IGF1R: variants seen among roughly 807,000 people sequenced by gnomAD.
The protein encoded by IGF1R is insulin-like growth factor 1 receptor.
Under a neutral mutation model 144.6 loss-of-function variants are expected in IGF1R, and 44 were observed. That is an observed-to-expected ratio of 0.30 (90% CI 0.24 to 0.39). The LOEUF (loss-of-function observed/expected upper bound fraction) is 0.39. IGF1R is among the 10% of genes least tolerant of loss of function. The pLI, the probability that IGF1R is intolerant of heterozygous loss-of-function variation, is 1.00. For synonymous variants in IGF1R, 795 were observed against 722.8 expected (o/e 1.10, Z -1.60); for missense variants, 1,355 against 1,833.7 (o/e 0.74, Z 4.77).
At chr15:98,743,771 A>G (rs534101294) in intron 2 of IGF1R, among the ~76,000 whole-genome samples, 2 of 152,192 alleles carry the variant, frequency 1.3e-5, no homozygotes, top group Non-Finnish European at 2.9e-5. Flanking sequence ...TTAGGGAGGA[A>G]GCCAATCAGG....
intron 2 of IGF1R, among the ~76,000 whole-genome samples, chr15:98,760,832 A>G (rs2055277803): frequency 6.6e-6 from 1 of 152,222 alleles, no homozygotes; most frequent in Non-Finnish European, 1.5e-5. Flanking sequence ...CTGATTACCC[A>G]TCCTTCGATA....
rs368474118 is a variant in IGF1R at position 98,892,527 on chromosome 15, C to CAAAAA, written c.953+904_953+908dup. 1.4e-3 allele frequency among the ~76,000 whole-genome samples: 103 copies of CAAAAA among 75,566 alleles called. 2 individuals carry two copies. The highest frequency in any genetic ancestry group is 4.7e-3 in the African/African-American group (95 of 20,178). The allele number at this position is 75,566 out of a possible 152,430, so 49.6% of individuals were successfully genotyped here. On this transcript the variant is annotated intron_variant, in intron 3 of 20. Transcript: ENST00000650285. ...GGGAGACAGAGTCTCACTCTGTCTC[C>CAAAAA]AAAAAAAAAAAAAAAAAAGAGAAGT...
chr15:98,846,545 G>A (rs2011334838), intron 2 of IGF1R, among the ~76,000 whole-genome samples: 1 of 152,194 alleles, frequency 6.6e-6, no homozygotes. Context: ...GTGACTTCGG[G>A]ATGGTTACCT....
intron 2 of IGF1R, among the ~76,000 whole-genome samples, chr15:98,725,675 A>G (rs2054341023): frequency 2.0e-5 from 3 of 152,198 alleles, no homozygotes; most frequent in Non-Finnish European, 4.4e-5. Flanking sequence ...TCCTGTGGTG[A>G]TTACCCTCTG....
chr15:98,753,151 C>G (rs1468255517), intron 2 of IGF1R, among the ~76,000 whole-genome samples: 1 of 151,642 alleles, frequency 6.6e-6, no homozygotes, highest in Non-Finnish European at 1.5e-5. Context: ...CCAGGATGGT[C>G]TTGATCTCCT....
rs1181138350 is a variant in IGF1R, at chr15:98,707,242, G to C, written c.95-320G>C. Among the ~76,000 whole-genome samples the C allele has an allele frequency of 6.6e-6, 1 of 152,202 alleles. No individual in the cohort carries two copies. The highest frequency in any genetic ancestry group is 1.5e-5 in the Non-Finnish European group (1 of 68,032). ...TGGAGTCCGGCTGGCCTGGGTTGCA[G>C]ATTTAACTTTCGCCTCTGCCTCTGT... On this transcript the variant is annotated intron_variant, in intron 1 of 20. Transcript: ENST00000650285. This position sits in a 1 kb window ranked among gnomAD's most constrained non-coding sequence, Gnocchi z 6.7.
At chr15:98,811,938 A>G (rs2056599847) in intron 2 of IGF1R, among the ~76,000 whole-genome samples, 1 of 152,166 alleles carries the variant, frequency 6.6e-6, no homozygotes, top group African/African-American at 2.4e-5. Context: ...AAATAAGTCA[A>G]CTATCTCAAG....
At chr15:98,737,885 G>A (rs1479423373) in intron 2 of IGF1R, among the ~76,000 whole-genome samples, 1 of 152,114 alleles carries the variant, frequency 6.6e-6, no homozygotes, top group Non-Finnish European at 1.5e-5. Context: ...CCTTCGTGCT[G>A]CACTGACAGG....
At chr15:98,717,175 C>T (rs993379108) in intron 2 of IGF1R, among the ~76,000 whole-genome samples, 5 of 152,124 alleles carry the variant, frequency 3.3e-5, no homozygotes, top group African/African-American at 9.7e-5. Flanking sequence ...ACCGTTGATG[C>T]CTTGAGATAG....
intron 2 of IGF1R, among the ~76,000 whole-genome samples, chr15:98,752,838 A>G (rs893133620): frequency 2.0e-5 from 3 of 152,206 alleles, no homozygotes; most frequent in Non-Finnish European, 4.4e-5. Flanking sequence ...CATTATTTCA[A>G]TCAATATCAA....
chr15:98,933,780 C>A (rs555004145), intron 15 of IGF1R, among the ~76,000 whole-genome samples: 1 of 151,506 alleles, frequency 6.6e-6, no homozygotes, highest in African/African-American at 2.4e-5. Context: ...GCCCTGGAAA[C>A]GCCTCTGCCC....
intron 2 of IGF1R, among the ~76,000 whole-genome samples, chr15:98,754,617 G>A (rs368837327): frequency 1.4e-4 from 21 of 152,198 alleles, no homozygotes; most frequent in East Asian, 1.3e-3. Context: ...GCCATGGTTA[G>A]GCACTGCCAG....
chr15:98,928,581 A>T (rs1481439685), intron 13 of IGF1R, among the ~76,000 whole-genome samples: 1 of 152,202 alleles, frequency 6.6e-6, no homozygotes, highest in Non-Finnish European at 1.5e-5. Context: ...TTTTCTAGGA[A>T]AGCCATTTCC....
intron 1 of IGF1R, among the ~76,000 whole-genome samples, chr15:98,668,829 A>G (rs1170032125): frequency 6.6e-6 from 1 of 152,142 alleles, no homozygotes; most frequent in African/African-American, 2.4e-5. Context: ...TAAAGCTGAC[A>G]CCAGCATCAG....
intron 2 of IGF1R, among the ~76,000 whole-genome samples, chr15:98,751,127 A>G (rs764769935): frequency 2.0e-5 from 3 of 152,320 alleles, no homozygotes; most frequent in Non-Finnish European, 2.9e-5. Context: ...ATTTTAGTGT[A>G]GTTGAGCCTC....
chr15:98,703,038 C>T lies in IGF1R; in HGVS notation c.95-4524C>T, dbSNP rs145445809. 7.2e-3 allele frequency among the ~76,000 whole-genome samples: 1,095 copies of T among 152,258 alleles called. 18 individuals carry two copies. The highest frequency in any genetic ancestry group is 0.025 in the African/African-American group (1,055 of 41,554). ...CCTCCCAACTCCCTTCCCTGACTCCCAGCACCCCCATCTGTTTTGGTTCTG... is the reference window on the plus strand; with the variant it reads ...CCTCCCAACTCCCTTCCCTGACTCCTAGCACCCCCATCTGTTTTGGTTCTG... On this transcript the variant is annotated intron_variant, in intron 1 of 20. Coordinates refer to ENST00000650285, the MANE Select transcript of IGF1R (RefSeq NM_000875.5).
Position 98,924,595 on chromosome 15 carries a change from C to T in IGF1R, c.2693C>T (p.Pro898Leu), listed in dbSNP as rs142608976. 9 of 1,613,938 alleles carry T rather than the reference C, an allele frequency of 5.6e-6. No individual in the cohort carries two copies. The highest frequency in any genetic ancestry group is 1.6e-4 in the Middle Eastern group (1 of 6,082). The change falls in exon 13 of 21, where the codon CCG becomes CTG. Residue 898 changes from proline (P) to leucine (L), a missense_variant. Physicochemically the swap from Pro to Leu is moderately conservative, Grantham distance 98. This residue lies in a region of IGF1R where 880 missense variants were observed against 1,202.7 expected (regional missense o/e 0.73). Transcript: ENST00000650285. ...GGGGCCAAGCTAAACCGGCTAAACC[C>T]GGGGAACTACACAGCCCGGATTCAG... Reference protein sequence around the residue: ...YGGAKLNRLNPGNYTARIQAT... With the variant: ...YGGAKLNRLNLGNYTARIQAT...
At chr15:98,820,504 A>G (rs2056782065) in intron 2 of IGF1R, among the ~76,000 whole-genome samples, 1 of 152,236 alleles carries the variant, frequency 6.6e-6, no homozygotes, top group Non-Finnish European at 1.5e-5. Context: ...ATGATAAGAT[A>G]ATGATGCTCC....
intron 2 of IGF1R, among the ~76,000 whole-genome samples, chr15:98,881,406 C>T (rs1195217715): frequency 1.3e-5 from 2 of 152,214 alleles, no homozygotes; most frequent in East Asian, 1.9e-4. Context: ...CTGCAACCTC[C>T]GCCTCCCGGG....
Sources: allele counts gnomAD v4.1 joint callset (sites outside exome capture counted in the v4.1 genomes callset), GRCh38; gene constraint gnomAD v4.1.1; regional missense constraint gnomAD v4.1.1; non-coding constraint Gnocchi (gnomAD v3.1); transcripts MANE v1.5; gene names NCBI Gene and HGNC (gene_info 2026-07-23, HGNC 2026-07-21).